PDCD4: variants seen among roughly 807,000 people sequenced by gnomAD.
The protein encoded by PDCD4 is programmed cell death 4.
PDCD4 carries 56 observed loss-of-function variants against 54.0 expected under a neutral mutation model. The ratio of observed to expected loss-of-function variants is 1.04; its 90% CI spans 0.84 to 1.30. The LOEUF is 1.30. Ranked by LOEUF, PDCD4 falls within the 50% of genes most tolerant of loss-of-function variation. The pLI is 0.00. For synonymous variants in PDCD4, 186 were observed against 194.8 expected, an observed-to-expected ratio of 0.95 and a Z score of 0.37; for missense variants, 584 against 559.8, an observed-to-expected ratio of 1.04 and a Z score of -0.44.
At chr10:110,879,871 T>G (rs1438184341) in intron 2 of PDCD4, among the ~76,000 whole-genome samples, 2 of 152,168 alleles carry the variant, frequency 1.3e-5, no homozygotes, top group Non-Finnish European at 2.9e-5. Context: ...TGTCAAGAAT[T>G]GTAAAGATTT....
chr10:110,892,471 T>C (rs1349380541), intron 8 of PDCD4, among the ~76,000 whole-genome samples: 1 of 152,206 alleles, frequency 6.6e-6, no homozygotes, highest in Non-Finnish European at 1.5e-5. Flanking sequence ...TATAAATGTA[T>C]TTGTAATTTA....
intron 11 of PDCD4, 109 bp downstream of exon 11, chr10:110,896,196 C>G (rs979900580): frequency 1.8e-5 from 14 of 790,652 alleles, no homozygotes; most frequent in Non-Finnish European, 2.6e-5. Context: ...AAGAACGTGA[C>G]TCTTGTGAGT....
At chr10:110,888,218 A>G (rs1238136724) in intron 6 of PDCD4, among the ~76,000 whole-genome samples, 1 of 151,932 alleles carries the variant, frequency 6.6e-6, no homozygotes, top group Non-Finnish European at 1.5e-5. Context: ...AATGTAGGTT[A>G]TGATTGAATG....
chr10:110,898,062 G>A lies in PDCD4; in HGVS notation c.1384G>A (p.Gly462Ser). 1.9e-6 allele frequency: 3 copies of A among 1,591,310 alleles called. No individual in the cohort carries two copies. The highest frequency in any genetic ancestry group is 2.6e-6 in the Non-Finnish European group (3 of 1,167,204). ...RKRFVSEGDG[G>S]RLKPESY ...GCGTTTTGTAAGCGAAGGAGATGGA[G>A]GTCGTCTTAAACCAGAGAGCTACTG... Residue 462 changes from glycine to serine, a missense_variant, in exon 12 of 12, where the codon GGT becomes AGT. By Grantham distance (56) the Gly-to-Ser change is moderately conservative (BLOSUM62 0). Coordinates refer to ENST00000280154, the MANE Select transcript of PDCD4 (RefSeq NM_014456.5).
At chr10:110,890,038 T>C (rs1225013001) in intron 7 of PDCD4, among the ~76,000 whole-genome samples, 1 of 152,232 alleles carries the variant, frequency 6.6e-6, no homozygotes. Context: ...ACTGTAGAAA[T>C]CTTAGTCAGA....
intron 4 of PDCD4, among the ~76,000 whole-genome samples, chr10:110,883,656 C>T (rs1346219019): frequency 1.3e-5 from 2 of 152,076 alleles, no homozygotes; most frequent in Non-Finnish European, 2.9e-5. Context: ...TCCATTTACT[C>T]TCCGTCTTCT....
intron 8 of PDCD4, 80 bp downstream of exon 8, chr10:110,890,750 T>G (rs1845742919): frequency 2.6e-6 from 2 of 777,564 alleles, no homozygotes; most frequent in Non-Finnish European, 3.9e-6. Flanking sequence ...AGCTGGTATT[T>G]TTATGGACAA....
At position 110,894,003 on chromosome 10, in the gene PDCD4, A is replaced by C. The variant is rs116189783; in HGVS notation, c.991-88A>C. 1.5e-3 allele frequency: 1,109 copies of C among 739,758 alleles called. 8 individuals carry two copies. In the African/African-American group the frequency reaches 0.018, roughly 12 times the overall value. The allele number at this position is 739,758 out of a possible 1,614,324, so 45.8% of individuals were successfully genotyped here. A position where few individuals can be genotyped will look rare whatever the true frequency, so the allele number is the denominator to read the frequency against. On this transcript the variant is annotated intron_variant, in intron 8 of 11. Transcript: ENST00000280154. The stretch of plus-strand genomic sequence containing the variant: ...TGTTTGTTACCCACTATTTCATTAT[A>C]TTGGAATGAGGGCAAATAATCCTGT...
In PDCD4 at chr10:110,881,442, C is replaced by G. The variant is rs1845590264; in HGVS notation, c.253C>G (p.Leu85Val). The G allele has an allele frequency of 6.2e-7, 1 of 1,614,158 alleles. No homozygotes were observed. The highest frequency in any genetic ancestry group is 1.1e-5 in the South Asian group (1 of 91,074). Residue 85 changes from leucine (L) to valine (V), a missense_variant, in exon 3 of 12, where the codon CTT becomes GTT. Physicochemically the swap from Leu to Val is conservative, Grantham distance 32 (BLOSUM62 1). Coordinates refer to ENST00000280154, the MANE Select transcript of PDCD4 (RefSeq NM_014456.5). ...DSVSDSGSDA[L>V]RSGLTVPTSP... ...GGTCAGCGACAGTGGGAGTGACGCCCTTAGAAGTGGATTAACTGTGCCAAC... is the reference window on the plus strand; with the variant it reads ...GGTCAGCGACAGTGGGAGTGACGCCGTTAGAAGTGGATTAACTGTGCCAAC...
intron 8 of PDCD4, among the ~76,000 whole-genome samples, chr10:110,891,263 C>G (rs2134002901): frequency 6.6e-6 from 1 of 151,914 alleles, no homozygotes; most frequent in Non-Finnish European, 1.5e-5. Context: ...AATAATTAGC[C>G]AGGCATGGTG....
intron 2 of PDCD4, chr10:110,876,719 A>G: frequency 7.6e-7 from 1 of 1,322,492 alleles, no homozygotes; most frequent in Non-Finnish European, 1.0e-6. Context: ...TTATTATCAT[A>G]AAAATGAACA....
intron 2 of PDCD4, 28 bp from the exon 3 acceptor site, chr10:110,881,205 A>G (rs1438121746): frequency 1.3e-6 from 2 of 1,551,092 alleles, no homozygotes; most frequent in Non-Finnish European, 1.8e-6. Context: ...AAATACTTAG[A>G]ATTTTTTTCT....
At chr10:110,874,935 T>G (rs1284008343) in intron 1 of PDCD4, among the ~76,000 whole-genome samples, 5 of 152,124 alleles carry the variant, frequency 3.3e-5, no homozygotes, top group Non-Finnish European at 7.4e-5. Context: ...TTAGGCATTT[T>G]CACTAATTTG....
chr10:110,887,884 C>T lies in PDCD4; in HGVS notation c.775C>T (p.Gln259Ter), dbSNP rs1390927597. 1.3e-6 allele frequency: 2 copies of T among 1,584,444 alleles called. No individual in the cohort carries two copies. Among genetic ancestry groups the T allele is most frequent in the East Asian group, 2.2e-5 (1 of 44,680 alleles). ...AGCACTGGATACTCCTAGAGCACCA[C>T]AGGTTTGTATGATTCTTCTTTTTGT... ...ELALDTPRAP[Q>*]LVGQFIARAV... The change falls in exon 6 of 12, where the codon CAG becomes TAG. Residue 259 changes from glutamine (Q) to a stop codon, truncating the protein, a stop_gained and splice_region_variant. Transcript: ENST00000280154. LOFTEE classifies it high-confidence loss of function.
intron 4 of PDCD4, 45 bp downstream of exon 4, chr10:110,883,142 C>T: frequency 8.1e-7 from 1 of 1,231,466 alleles, no homozygotes; most frequent in Non-Finnish European, 1.2e-6. Context: ...TGTTTATGAA[C>T]TTTTTTGACT....
rs963165129 is a variant in PDCD4 at position 110,871,943 on chromosome 10, C to G, written c.-138C>G. The stretch of plus-strand genomic sequence containing the variant: ...GAGAAGGGCCAGAGACTCTCCGAGG[C>G]GGCGGCAGAGACAGAAGAGCGGGGT... On this transcript the variant is annotated 5_prime_UTR_variant, in exon 1 of 12. Transcript: ENST00000280154. 3 of 153,136 alleles carry G rather than the reference C, an allele frequency of 2.0e-5. No homozygotes were observed. The highest frequency in any genetic ancestry group is 7.2e-5 in the African/African-American group (3 of 41,478). The allele number at this position is 153,136 out of a possible 1,614,324, so 9.5% of individuals were successfully genotyped here. A position where few individuals can be genotyped will look rare whatever the true frequency, so the allele number is the denominator to read the frequency against.
At position 110,898,618 on chromosome 10, in the gene PDCD4, T is replaced by C. The variant is rs1351290183; in HGVS notation, c.*530T>C. The C allele has an allele frequency of 6.6e-6, 1 of 152,656 alleles. No individual in the cohort carries two copies. The highest frequency in any genetic ancestry group is 2.4e-5 in the African/African-American group (1 of 41,462). 9.5% of individuals were successfully genotyped at this position (152,656 alleles called of 1,614,324 possible). A position where few individuals can be genotyped will look rare whatever the true frequency, so the allele number is the denominator to read the frequency against. ...TTCATCTTTCCAGGGAACATACTGA[T>C]TGGTCTTAAAAGACTAGACAGTTAA... On this transcript the variant is annotated 3_prime_UTR_variant, in exon 12 of 12. Transcript: ENST00000280154.
intron 1 of PDCD4, among the ~76,000 whole-genome samples, chr10:110,872,865 C>T (rs1178079710): frequency 1.3e-5 from 2 of 152,138 alleles, no homozygotes; most frequent in African/African-American, 2.4e-5. Context: ...TTTGCAAGAG[C>T]TTCAAAACTG....
chr10:110,887,641 T>C, intron 5 of PDCD4, 24 bp from the exon 6 acceptor site: 1 of 1,538,614 alleles, frequency 6.5e-7, no homozygotes. Context: ...TTTTAAAATG[T>C]TTTTAAATTA....
Sources: allele counts gnomAD v4.1 joint callset (sites outside exome capture counted in the v4.1 genomes callset), GRCh38; gene constraint gnomAD v4.1.1; transcripts MANE v1.5; gene names NCBI Gene and HGNC (gene_info 2026-07-23, HGNC 2026-07-21).